Variants in INPP5D observed in about 807,000 individuals in gnomAD.
INPP5D encodes phosphatidylinositol 3,4,5-trisphosphate 5-phosphatase 1.
INPP5D carries 33 observed loss-of-function variants against 122.9 expected under a neutral mutation model. The ratio of observed to expected loss-of-function variants is 0.27; its 90% confidence interval spans 0.20 to 0.36. INPP5D has a LOEUF of 0.36. Ranked by LOEUF, INPP5D falls within the 10% of genes least tolerant of loss-of-function variation. INPP5D has a pLI of 1.00. For missense variants in INPP5D, 1,053 were observed against 1,412.7 expected, an observed-to-expected ratio of 0.75 and a Z score of 4.08; for synonymous variants, 584 against 576.2, an observed-to-expected ratio of 1.01 and a Z score of -0.19.
chr2:233,158,499 G>A (rs1035444375), intron 10 of INPP5D, 80 bp downstream of exon 10: 21 of 619,044 alleles, frequency 3.4e-5, no homozygotes, highest in Non-Finnish European at 5.8e-5. Context: ...GTGTGCCAGG[G>A]AGTGTATCAT....
Position 233,137,853 on chromosome 2 carries a change from AATATATATAT to A in INPP5D, c.666-1953_666-1944del, listed in dbSNP as rs1160357196. Reference sequence around the variant, plus strand: ...ATCACAAAAAAAAAAAAAAAAAAAAAATATATATATATATATATATATATATATATATATA... The same window carrying A: ...ATCACAAAAAAAAAAAAAAAAAAAAAATATATATATATATATATATATATA... On this transcript the variant is annotated intron_variant, in intron 5 of 26. Transcript: ENST00000445964. Among the ~76,000 whole-genome samples the A allele has an allele frequency of 6.3e-3, 174 of 27,704 alleles. 4 individuals are homozygous for A. The highest frequency in any genetic ancestry group is 0.016 in the East Asian group (13 of 826). 18.2% of individuals were successfully genotyped at this position (27,704 alleles called of 152,430 possible). A position where few individuals can be genotyped will look rare whatever the true frequency, so the allele number is the denominator to read the frequency against.
intron 26 of INPP5D, 54 bp downstream of exon 26, chr2:233,204,771 A>G: frequency 1.5e-6 from 2 of 1,364,026 alleles, no homozygotes; most frequent in Non-Finnish European, 1.9e-6. Flanking sequence ...TGCATGCGTG[A>G]GTGCGTATGT....
At chr2:233,159,401 C>CA (rs1475429433) in intron 10 of INPP5D, among the ~76,000 whole-genome samples, 2 of 151,914 alleles carry the variant, frequency 1.3e-5, no homozygotes, top group Non-Finnish European at 2.9e-5. Flanking sequence ...GTCTACAAAA[C>CA]AAAAAAATTA....
chr2:233,106,155 T>C (rs1692462981), intron 2 of INPP5D, among the ~76,000 whole-genome samples: 1 of 152,236 alleles, frequency 6.6e-6, no homozygotes, highest in Non-Finnish European at 1.5e-5. Flanking sequence ...CAGTGTTTGC[T>C]GCATAACAAA....
At chr2:233,113,474 C>A (rs1021639450) in intron 2 of INPP5D, among the ~76,000 whole-genome samples, 3 of 151,960 alleles carry the variant, frequency 2.0e-5, no homozygotes, top group Non-Finnish European at 4.4e-5. Context: ...ACAAAAGCCA[C>A]ATTCAATTAT....
At chr2:233,083,182 AT>A (rs771737904) in intron 2 of INPP5D, among the ~76,000 whole-genome samples, 1 of 152,180 alleles carries the variant, frequency 6.6e-6, no homozygotes, top group Non-Finnish European at 1.5e-5. Context: ...GAAAGTAGAG[AT>A]CACACACATA....
At chr2:233,087,466 ACAGG>A in intron 2 of INPP5D, among the ~76,000 whole-genome samples, 1 of 152,152 alleles carries the variant, frequency 6.6e-6, no homozygotes. Flanking sequence ...AGCTGGGACT[ACAGG>A]CACATGCCAC....
chr2:233,147,813 A>G (rs1401257844), intron 9 of INPP5D, among the ~76,000 whole-genome samples: 3 of 152,294 alleles, frequency 2.0e-5, no homozygotes, highest in African/African-American at 4.8e-5. Flanking sequence ...AAAGCCTTGC[A>G]CAGATGAGGT....
At chr2:233,069,095 C>T (rs28649756) in intron 1 of INPP5D, among the ~76,000 whole-genome samples, 11,925 of 152,230 alleles carry the variant, frequency 0.078, 535 homozygotes, top group Middle Eastern at 0.12. Context: ...TGCGGCAGCA[C>T]GTGGGGACCA....
intron 2 of INPP5D, among the ~76,000 whole-genome samples, chr2:233,080,599 G>A (rs530133576): frequency 6.6e-6 from 1 of 152,276 alleles, no homozygotes; most frequent in East Asian, 1.9e-4. Flanking sequence ...TGACGGCGTT[G>A]GAGGAGTTTG....
chr2:233,111,355 C>T (rs1574734839), intron 2 of INPP5D, among the ~76,000 whole-genome samples: 1 of 152,122 alleles, frequency 6.6e-6, no homozygotes, highest in Non-Finnish European at 1.5e-5. Context: ...CTTTTATACA[C>T]ACACACACAC....
chr2:233,076,910 G>A (rs1434014785), intron 1 of INPP5D, among the ~76,000 whole-genome samples: 2 of 152,094 alleles, frequency 1.3e-5, no homozygotes, highest in Non-Finnish European at 2.9e-5. Flanking sequence ...CCGGTTAGTA[G>A]GAGAAAAAAA....
At position 233,122,276 on chromosome 2, in the gene INPP5D, G is replaced by A. The variant is rs375326481; in HGVS notation, c.349+19G>A. On this transcript the variant is annotated intron_variant, in intron 3 of 26. Coordinates refer to ENST00000445964, the MANE Select transcript of INPP5D (RefSeq NM_001017915.3). ...GACACAGGTAGGGAGGGAGGGACAG[G>A]ACGGCAGGAGGTACTTTTGGGAACT... The A allele has an allele frequency of 9.9e-4, 1,599 of 1,609,620 alleles. 3 individuals are homozygous for A. The highest frequency in any genetic ancestry group is 1.3e-3 in the Non-Finnish European group (1,541 of 1,177,746).
chr2:233,190,488 C>A (rs529475483), intron 22 of INPP5D, among the ~76,000 whole-genome samples: 4 of 152,316 alleles, frequency 2.6e-5, no homozygotes, highest in African/African-American at 7.2e-5. Flanking sequence ...GCCCGAAGAC[C>A]CCCTCTCCCC....
rs1447533063 is a variant in INPP5D, at chr2:233,206,829, T to C, written c.*121T>C. ...AGCTTCCTATGCAAGGCTTTGTGTT[T>C]TCAGGAAAGGGCCTAGCTTCTGTGT... On this transcript the variant is annotated 3_prime_UTR_variant, in exon 27 of 27. Transcript: ENST00000445964. The surrounding 1 kb of genome is among the most constrained non-coding windows in gnomAD (Gnocchi z 4.0). 1 of 703,754 alleles carries C rather than the reference T, an allele frequency of 1.4e-6. No homozygotes were observed. The highest frequency in any genetic ancestry group is 2.7e-6 in the Non-Finnish European group (1 of 376,704). The allele number at this position is 703,754 out of a possible 1,614,324, so 43.6% of individuals were successfully genotyped here.
chr2:233,121,375 T>C (rs1388995815), intron 2 of INPP5D, among the ~76,000 whole-genome samples: 1 of 151,834 alleles, frequency 6.6e-6, no homozygotes, highest in African/African-American at 2.4e-5. Flanking sequence ...TGACTTCAAG[T>C]GATGTGCCCA....
At chr2:233,185,697 A>G in intron 20 of INPP5D, 146 bp from the exon 21 acceptor site, 1 of 1,011,584 alleles carries the variant, frequency 9.9e-7, no homozygotes, top group Non-Finnish European at 1.3e-6. Context: ...CTCCTAAATG[A>G]TGCTGAGGCC....
At chr2:233,165,407 T>C (rs1038045956) in intron 13 of INPP5D, among the ~76,000 whole-genome samples, 4 of 152,084 alleles carry the variant, frequency 2.6e-5, no homozygotes, top group Admixed American at 6.6e-5. Context: ...TATGTGAGTC[T>C]ACATATGTGA....
intron 5 of INPP5D, chr2:233,134,289 A>C: frequency 3.5e-6 from 1 of 288,888 alleles, no homozygotes. Flanking sequence ...GCATTTGGGG[A>C]ATCATGGGGG....
Sources: allele counts gnomAD v4.1 joint callset (sites outside exome capture counted in the v4.1 genomes callset), GRCh38; gene constraint gnomAD v4.1.1; non-coding constraint Gnocchi (gnomAD v3.1); transcripts MANE v1.5; gene names NCBI Gene and HGNC (gene_info 2026-07-23, HGNC 2026-07-21).